The following ST6GALNAC3 variants were observed in gnomAD, a reference collection of about 807,000 sequenced individuals.
ST6GALNAC3 encodes the protein ST6 N-acetylgalactosaminide alpha-2,6-sialyltransferase 3, also known as alpha-N-acetylgalactosaminide alpha-2,6-sialyltransferase 3.
Under a neutral mutation model 32.7 loss-of-function variants are expected in ST6GALNAC3, and 25 were observed. The ratio of observed to expected loss-of-function variants is 0.76; its 90% confidence interval spans 0.56 to 1.07. The LOEUF is 1.07. ST6GALNAC3 is among the 50% of genes least tolerant of loss of function. ST6GALNAC3 has a pLI of 0.00. For missense variants in ST6GALNAC3, 355 were observed against 382.4 expected, an observed-to-expected ratio of 0.93 and a Z score of 0.60; for synonymous variants, 129 against 133.1, an observed-to-expected ratio of 0.97 and a Z score of 0.21.
intron 2 of ST6GALNAC3, among the ~76,000 whole-genome samples, chr1:76,360,398 A>G (rs1245949809): frequency 6.6e-6 from 1 of 152,228 alleles, no homozygotes; most frequent in Non-Finnish European, 1.5e-5. Context: ...TTCTCACAGC[A>G]AAGACCAAGC....
intron 1 of ST6GALNAC3, among the ~76,000 whole-genome samples, chr1:76,255,487 G>A (rs535050102): frequency 1.3e-5 from 2 of 152,214 alleles, no homozygotes; most frequent in South Asian, 4.1e-4. Context: ...GAGAAAATGA[G>A]ATTGAGAATA....
At chr1:76,155,175 G>A (rs1474133131) in intron 1 of ST6GALNAC3, among the ~76,000 whole-genome samples, 1 of 152,090 alleles carries the variant, frequency 6.6e-6, no homozygotes, top group Non-Finnish European at 1.5e-5. Flanking sequence ...TGGTTGTTGG[G>A]TGGTGACCAG....
At chr1:76,519,157 T>G (rs1662358588) in intron 3 of ST6GALNAC3, among the ~76,000 whole-genome samples, 1 of 152,114 alleles carries the variant, frequency 6.6e-6, no homozygotes, top group African/African-American at 2.4e-5. Context: ...AGTGTCATCT[T>G]TTTTTAGATT....
chr1:76,454,130 AAT>A (rs1347329122), intron 3 of ST6GALNAC3, among the ~76,000 whole-genome samples: 4 of 151,892 alleles, frequency 2.6e-5, no homozygotes, highest in South Asian at 2.1e-4. Flanking sequence ...ATTTGTTTGG[AAT>A]ATCTTTTTCC....
At chr1:76,078,543 TAGAG>T (rs1273846957) in intron 1 of ST6GALNAC3, among the ~76,000 whole-genome samples, 2 of 152,230 alleles carry the variant, frequency 1.3e-5, no homozygotes, top group East Asian at 3.8e-4. Flanking sequence ...TTATTGATTA[TAGAG>T]CCATAACAAG....
chr1:76,599,968 G>A (rs941742680), intron 3 of ST6GALNAC3, among the ~76,000 whole-genome samples: 2 of 152,100 alleles, frequency 1.3e-5, no homozygotes, highest in Non-Finnish European at 2.9e-5. Context: ...ATCTATTTTA[G>A]AACAAAAGTT....
intron 3 of ST6GALNAC3, among the ~76,000 whole-genome samples, chr1:76,454,089 G>C (rs1278440685): frequency 6.6e-6 from 1 of 152,064 alleles, no homozygotes; most frequent in East Asian, 1.9e-4. Context: ...TCTGATGTAA[G>C]AGTAGCTGTT....
intron 2 of ST6GALNAC3, among the ~76,000 whole-genome samples, chr1:76,369,796 A>G (rs996345039): frequency 6.6e-6 from 1 of 152,174 alleles, no homozygotes; most frequent in Non-Finnish European, 1.5e-5. Flanking sequence ...TTCAGAGACC[A>G]CTTTAGATAT....
intron 2 of ST6GALNAC3, among the ~76,000 whole-genome samples, chr1:76,396,230 C>G (rs140222615): frequency 1.1e-3 from 174 of 152,242 alleles, no homozygotes; most frequent in Non-Finnish European, 1.8e-3. Context: ...TTTGGAAGAC[C>G]AAGGTGGGAG....
At chr1:76,429,519 G>A (rs1281907809) in intron 3 of ST6GALNAC3, among the ~76,000 whole-genome samples, 1 of 152,080 alleles carries the variant, frequency 6.6e-6, no homozygotes, top group Non-Finnish European at 1.5e-5. Context: ...TGCACATTTA[G>A]ATAATCATCC....
At chr1:76,315,674 A>C (rs1367405183) in intron 2 of ST6GALNAC3, among the ~76,000 whole-genome samples, 1 of 152,190 alleles carries the variant, frequency 6.6e-6, no homozygotes, top group Non-Finnish European at 1.5e-5. Flanking sequence ...TTTGAGAGTC[A>C]GTTCTAACAT....
At position 76,176,879 on chromosome 1, in the gene ST6GALNAC3, A is replaced by G. The variant is rs1021095862; in HGVS notation, c.18+101995A>G. Among the ~76,000 whole-genome samples, 5 of 152,300 alleles carry G rather than the reference A, an allele frequency of 3.3e-5. No homozygotes were observed. The East Asian group carries it at 9.7e-4, about 29-fold the overall frequency. The stretch of plus-strand genomic sequence containing the variant: ...TAGATGGTGGTAATGATTGCATAAC[A>G]ATGTGAATATATTTAATACCATTTA... On this transcript the variant is annotated intron_variant, in intron 1 of 4. Coordinates refer to ENST00000328299, the MANE Select transcript of ST6GALNAC3 (RefSeq NM_152996.4).
At chr1:76,339,409 A>C (rs1180105002) in intron 2 of ST6GALNAC3, among the ~76,000 whole-genome samples, 1 of 152,108 alleles carries the variant, frequency 6.6e-6, no homozygotes, top group Non-Finnish European at 1.5e-5. Context: ...GAAAAGACAA[A>C]TAATCAGATT....
At chr1:76,604,473 T>C (rs1209205248) in intron 3 of ST6GALNAC3, among the ~76,000 whole-genome samples, 1 of 152,232 alleles carries the variant, frequency 6.6e-6, no homozygotes, top group African/African-American at 2.4e-5. Context: ...CTGCCTCAAA[T>C]GACATCTCTG....
In ST6GALNAC3 at chr1:76,593,197, A is replaced by G. The variant is rs113159730; in HGVS notation, c.624-34255A>G. Among the ~76,000 whole-genome samples, 692 of 152,314 alleles carry G rather than the reference A, an allele frequency of 4.5e-3. 9 individuals are homozygous for G. Among genetic ancestry groups the G allele is most frequent in the Non-Finnish European group, 6.1e-3 (416 of 68,014 alleles). Reference sequence around the variant, plus strand: ...ATTTATCAGTTTTCCTACCCTTTGTATGACAAATTGTAATTAGTATGATGT... The same window carrying G: ...ATTTATCAGTTTTCCTACCCTTTGTGTGACAAATTGTAATTAGTATGATGT... On this transcript the variant is annotated intron_variant, in intron 3 of 4. Transcript: ENST00000328299.
rs141846639 is a variant in ST6GALNAC3 at position 76,288,408 on chromosome 1, C to T, written c.19-25397C>T. On this transcript the variant is annotated intron_variant, in intron 1 of 4. Transcript: ENST00000328299. ...ACAGCAAACTACATCAGAGACCAGT[C>T]TCCTCATCCCTGGAGGCATCACACT... 6.6e-4 allele frequency among the ~76,000 whole-genome samples: 101 copies of T among 152,308 alleles called. 1 individual carries two copies. Among genetic ancestry groups the T allele is most frequent in the African/African-American group, 2.3e-3 (97 of 41,564 alleles).
At chr1:76,113,456 G>A (rs760469128) in intron 1 of ST6GALNAC3, among the ~76,000 whole-genome samples, 1 of 151,984 alleles carries the variant, frequency 6.6e-6, no homozygotes, top group Non-Finnish European at 1.5e-5. Flanking sequence ...TTACAAATTT[G>A]CAAGATTCTA....
intron 3 of ST6GALNAC3, among the ~76,000 whole-genome samples, chr1:76,549,758 T>C (rs1419283116): frequency 6.6e-6 from 1 of 152,222 alleles, no homozygotes; most frequent in Admixed American, 6.5e-5. Flanking sequence ...TGATTTTCTT[T>C]GATTCGGCCA....
At chr1:76,172,358 A>G (rs549350490) in intron 1 of ST6GALNAC3, among the ~76,000 whole-genome samples, 2 of 152,210 alleles carry the variant, frequency 1.3e-5, no homozygotes, top group Non-Finnish European at 2.9e-5. Flanking sequence ...AGAGCTATTT[A>G]TGACAAACCC....
Sources: allele counts gnomAD v4.1 joint callset (sites outside exome capture counted in the v4.1 genomes callset), GRCh38; gene constraint gnomAD v4.1.1; transcripts MANE v1.5; gene names NCBI Gene and HGNC (gene_info 2026-07-23, HGNC 2026-07-21).